ZNF469: variants seen among roughly 807,000 people sequenced by gnomAD.
ZNF469 encodes zinc finger protein 469.
ZNF469 carries 1 observed loss-of-function variant against 1.0 expected under a neutral mutation model. The observed-to-expected ratio is 1.00, with a 90% CI of 0.35 to 4.73. The LOEUF (loss-of-function observed/expected upper bound fraction) is 4.73. Ranked by LOEUF, ZNF469 falls within the 30% of genes most tolerant of loss-of-function variation. The pLI is 0.16. For synonymous variants in ZNF469, 2,703 were observed against 2,363.4 expected (o/e 1.14, Z -4.17); for missense variants, 6,100 against 5,356.3 (o/e 1.14, Z -4.33).
chr16:88,136,948 G>A, the ZNF469 span, among the ~76,000 whole-genome samples: 2 of 152,212 alleles, frequency 1.3e-5, no homozygotes, highest in East Asian at 1.9e-4. Context: ...GCATCCTTGG[G>A]CAGACATGCA....
the ZNF469 span, among the ~76,000 whole-genome samples, chr16:88,209,882 G>GT: frequency 1.3e-5 from 2 of 152,154 alleles, no homozygotes; most frequent in East Asian, 1.9e-4. Context: ...CTGTGCATCT[G>GT]TTTTTTTCTA....
chr16:88,321,564 G>A, the ZNF469 span, among the ~76,000 whole-genome samples: 2 of 152,114 alleles, frequency 1.3e-5, no homozygotes, highest in South Asian at 2.1e-4. Flanking sequence ...CTTATTTGAT[G>A]TGGCCCTCGG....
chr16:88,401,658 G>T (rs1011763049), intron 1 of ZNF469, among the ~76,000 whole-genome samples: 1 of 77,182 alleles, frequency 1.3e-5, no homozygotes, highest in African/African-American at 4.9e-5. Context: ...TGGGTGGATG[G>T]GTAGATGGAT....
At chr16:88,284,981 T>C in the ZNF469 span, among the ~76,000 whole-genome samples, 2 of 152,274 alleles carry the variant, frequency 1.3e-5, no homozygotes, top group Non-Finnish European at 2.9e-5. Context: ...GAGATCATCC[T>C]TGGGAGTCCA....
At chr16:88,387,776 C>T (rs952496872) in intron 1 of ZNF469, among the ~76,000 whole-genome samples, 1 of 152,154 alleles carries the variant, frequency 6.6e-6, no homozygotes, top group African/African-American at 2.4e-5. Context: ...GTATGGTGGA[C>T]CTGGGGCTCC....
chr16:88,373,391 T>C, the ZNF469 span, among the ~76,000 whole-genome samples: 1 of 152,060 alleles, frequency 6.6e-6, no homozygotes, highest in African/African-American at 2.4e-5. Flanking sequence ...CATCTCAGGA[T>C]GGGGTGTTGA....
the ZNF469 span, among the ~76,000 whole-genome samples, chr16:88,133,047 C>T: frequency 2.0e-5 from 3 of 152,326 alleles, no homozygotes; most frequent in South Asian, 2.1e-4. Flanking sequence ...GGGAGGGTCA[C>T]CACACACAGG....
the ZNF469 span, among the ~76,000 whole-genome samples, chr16:88,221,774 G>A: frequency 2.0e-5 from 3 of 152,168 alleles, no homozygotes; most frequent in African/African-American, 4.8e-5. Context: ...TGGGGTCTCC[G>A]AGGGAGAATC....
chr16:88,156,462 G>C, the ZNF469 span, among the ~76,000 whole-genome samples: 6 of 152,208 alleles, frequency 3.9e-5, no homozygotes, highest in Non-Finnish European at 8.8e-5. Context: ...ATATCCAGGT[G>C]TCCCGGCACT....
At chr16:88,302,201 G>T in the ZNF469 span, among the ~76,000 whole-genome samples, 1 of 152,222 alleles carries the variant, frequency 6.6e-6, no homozygotes, top group Admixed American at 6.5e-5. Flanking sequence ...TGCAGGGGCG[G>T]TGGTTACCTG....
the ZNF469 span, among the ~76,000 whole-genome samples, chr16:88,199,971 G>T: frequency 6.6e-6 from 1 of 152,184 alleles, no homozygotes; most frequent in Non-Finnish European, 1.5e-5. Context: ...CGCAGCAAGG[G>T]CCCTTCATGC....
the ZNF469 span, among the ~76,000 whole-genome samples, chr16:88,242,527 C>T: frequency 6.6e-6 from 1 of 152,172 alleles, no homozygotes; most frequent in African/African-American, 2.4e-5. Flanking sequence ...CCTCATGCTA[C>T]CTGAGTCACC....
the ZNF469 span, among the ~76,000 whole-genome samples, chr16:88,161,812 G>A: frequency 0.06 from 9,086 of 152,246 alleles, 886 homozygotes; most frequent in African/African-American, 0.21. Context: ...GTGAGCTTGC[G>A]TGGCTCGTGG....
At chr16:88,399,123 C>T (rs1350165885) in intron 1 of ZNF469, among the ~76,000 whole-genome samples, 1 of 152,236 alleles carries the variant, frequency 6.6e-6, no homozygotes, top group African/African-American at 2.4e-5. Flanking sequence ...CACCTGGCCA[C>T]CCAGGGGCTG....
the ZNF469 span, among the ~76,000 whole-genome samples, chr16:88,351,892 G>A: frequency 1.3e-5 from 2 of 152,352 alleles, no homozygotes; most frequent in Admixed American, 6.5e-5. Context: ...TGTCTATAGT[G>A]GGTTTCGAAA....
the ZNF469 span, among the ~76,000 whole-genome samples, chr16:88,182,345 C>G: frequency 6.8e-6 from 1 of 147,518 alleles, no homozygotes; most frequent in Non-Finnish European, 1.5e-5. Context: ...AAAGTCTCAT[C>G]AGACTTTTTT....
the ZNF469 span, among the ~76,000 whole-genome samples, chr16:88,347,463 C>G: frequency 6.6e-6 from 1 of 152,184 alleles, no homozygotes; most frequent in Non-Finnish European, 1.5e-5. Context: ...ACAGTGTCGC[C>G]AAGCCCAGGA....
the ZNF469 span, among the ~76,000 whole-genome samples, chr16:88,298,579 T>C: frequency 2.0e-5 from 3 of 152,230 alleles, no homozygotes; most frequent in African/African-American, 7.2e-5. Flanking sequence ...GACATGGAGC[T>C]GCTGACGATT....
intron 2 of ZNF469, among the ~76,000 whole-genome samples, chr16:88,426,702 A>C (rs1032074430): frequency 3.3e-5 from 5 of 152,120 alleles, no homozygotes; most frequent in Admixed American, 6.5e-5. Context: ...GCCTGGTGGC[A>C]GGGAGACCCT....
Sources: gnomAD v4.1 joint callset for allele counts (sites outside exome capture counted in the v4.1 genomes callset) on GRCh38, gnomAD v4.1.1 for gene constraint, MANE v1.5 for transcripts, NCBI Gene and HGNC (gene_info 2026-07-23, HGNC 2026-07-21) for gene names.